The following FGF23 variants were observed in gnomAD, a reference collection of about 807,000 sequenced individuals.
FGF23 encodes the protein fibroblast growth factor 23.
A neutral mutation model predicts 9.0 loss-of-function variants in FGF23; 8 were observed. The observed-to-expected ratio is 0.89, with a 90% CI of 0.52 to 1.60. The LOEUF (loss-of-function observed/expected upper bound fraction) is 1.60. Ranked by LOEUF, FGF23 falls within the 40% of genes most tolerant of loss-of-function variation. The pLI is 0.00. For synonymous variants in FGF23, 118 were observed against 146.2 expected, an observed-to-expected ratio of 0.81 and a Z score of 1.39; for missense variants, 311 against 344.3, an observed-to-expected ratio of 0.90 and a Z score of 0.77.
chr12:4,370,973 A>G (rs2120731049), intron 2 of FGF23, among the ~76,000 whole-genome samples, 190 bp from the exon 3 acceptor site: 1 of 152,282 alleles, frequency 6.6e-6, no homozygotes, highest in South Asian at 2.1e-4. Flanking sequence ...CTGACTATAT[A>G]GTTCGCCCTT....
intron 1 of FGF23, among the ~76,000 whole-genome samples, chr12:4,377,716 C>T (rs1349994098): frequency 1.5e-5 from 1 of 65,786 alleles, no homozygotes; most frequent in African/African-American, 3.6e-5. Flanking sequence ...AGGCGTGAGC[C>T]ACCACACCTG....
Position 4,370,775 on chromosome 12 carries a change from G to A in FGF23, c.324C>T (p.Phe108=), listed in dbSNP as rs201114020. Residue 108 remains phenylalanine (F), a synonymous_variant, in exon 3 of 3, where the codon TTC becomes TTT. Transcript: ENST00000237837. ...FRGNIFGSHY[F]DPENCRFQHQ... is the part of the protein sequence containing the mutation. ...GTTGGAACCTGCAGTTCTCCGGGTC[G>A]AAATAGTGCTGGAAGGACAAGAGCG... 8 of 1,613,952 alleles carry A rather than the reference G, an allele frequency of 5.0e-6. No homozygotes were observed. Among genetic ancestry groups the A allele is most frequent in the Middle Eastern group, 3.3e-4 (2 of 6,062 alleles).
At position 4,370,411 on chromosome 12, in the gene FGF23, C is replaced by G. The variant is rs753345321; in HGVS notation, c.688G>C (p.Gly230Arg). The change falls in exon 3 of 3, where the codon GGT becomes CGT. Residue 230 changes from glycine to arginine, a missense_variant. By Grantham distance (125) the Gly-to-Arg change is moderately radical (BLOSUM62 -2). Around this residue, in one of 3 missense-constraint regions of FGF23, gnomAD observed 206 missense variants for 219.2 expected, o/e 0.94. Transcript: ENST00000237837. Reference protein sequence around the residue: ...ASDPLGVVRGGRVNTHAGGTG... With the variant: ...ASDPLGVVRGRRVNTHAGGTG... Reference sequence around the variant, plus strand: ...CCCCCAGCGTGCGTGTTCACTCGACCGCCCCTGACCACCCCTAATGGGTCA... The same window carrying G: ...CCCCCAGCGTGCGTGTTCACTCGACGGCCCCTGACCACCCCTAATGGGTCA... 1.2e-6 allele frequency: 2 copies of G among 1,613,738 alleles called. No individual in the cohort carries two copies. The highest frequency in any genetic ancestry group is 1.7e-6 in the Non-Finnish European group (2 of 1,179,994).
Position 4,379,575 on chromosome 12 carries a change from C to G in FGF23, c.8G>C (p.Gly3Ala), listed in dbSNP as rs1865156734. 1 of 1,601,098 alleles carries G rather than the reference C, an allele frequency of 6.2e-7. No individual in the cohort carries two copies. Among genetic ancestry groups the G allele is most frequent in the East Asian group, 2.3e-5 (1 of 44,360 alleles). ML[G>A]ARLRLWVCAL... ...ACAGACCCAGAGCCTGAGGCGGGCCCCCAACATCGTGCCCTGCTCTGAGTG... is the reference window on the plus strand; with the variant it reads ...ACAGACCCAGAGCCTGAGGCGGGCCGCCAACATCGTGCCCTGCTCTGAGTG... The change falls in exon 1 of 3, where the codon GGG becomes GCG. Residue 3 changes from glycine to alanine, a missense_variant. Gly to Ala is a moderately conservative substitution (Grantham distance 60). Coordinates refer to ENST00000237837, the MANE Select transcript of FGF23 (RefSeq NM_020638.3).
Position 4,370,742 on chromosome 12 carries a change from C to T in FGF23, c.357G>A (p.Thr119=). 3 of 1,614,104 alleles carry T rather than the reference C, an allele frequency of 1.9e-6. No homozygotes were observed. Among genetic ancestry groups the T allele is most frequent in the Non-Finnish European group, 2.5e-6 (3 of 1,180,008 alleles). ...DPENCRFQHQ[T]LENGYDVYHS... is the part of the protein sequence containing the mutation. The stretch of plus-strand genomic sequence containing the variant: ...GGTAGACGTCGTACCCGTTTTCCAG[C>T]GTCTGGTGTTGGAACCTGCAGTTCT... The change falls in exon 3 of 3, where the codon ACG becomes ACA. Residue 119 remains threonine, a synonymous_variant. Transcript: ENST00000237837.
intron 2 of FGF23, 118 bp from the exon 3 acceptor site, chr12:4,370,901 C>A: frequency 2.3e-6 from 2 of 852,064 alleles, no homozygotes; most frequent in Non-Finnish European, 4.0e-6. Flanking sequence ...GTTCTTAGGG[C>A]GTTGAGCCTT....
chr12:4,378,294 C>G (rs1418539439), intron 1 of FGF23, among the ~76,000 whole-genome samples: 1 of 152,142 alleles, frequency 6.6e-6, no homozygotes, highest in Non-Finnish European at 1.5e-5. Context: ...CAATAAAGGG[C>G]AAATCATAAT....
At chr12:4,371,075 C>T (rs1462380829) in intron 2 of FGF23, among the ~76,000 whole-genome samples, 1 of 152,230 alleles carries the variant, frequency 6.6e-6, no homozygotes, top group East Asian at 1.9e-4. Flanking sequence ...ACCACCTTGT[C>T]CTTCCTGCCC....
intron 1 of FGF23, among the ~76,000 whole-genome samples, chr12:4,375,545 C>T (rs542262768): frequency 6.6e-6 from 1 of 152,218 alleles, no homozygotes; most frequent in African/African-American, 2.4e-5. Flanking sequence ...AAGGAAGGAA[C>T]AAACCATGGA....
intron 2 of FGF23, 39 bp from the exon 3 acceptor site, chr12:4,370,822 G>T: frequency 6.3e-7 from 1 of 1,593,426 alleles, no homozygotes; most frequent in Non-Finnish European, 8.6e-7. Flanking sequence ...GGCTGGCAGT[G>T]GGGGCCCCAC....
chr12:4,370,624 A>G lies in FGF23; in HGVS notation c.475T>C (p.Ser159Pro), dbSNP rs373881785. ...ATTAGGGGGATCTCGTTCCTCCGGG[A>G]CAGGAACTGGGAGTACGGGGGTGGG... is the stretch of plus-strand genomic sequence containing the variant. ...MNPPPYSQFL[S>P]RRNEIPLIHF... Residue 159 changes from serine (S) to proline (P), a missense_variant, in exon 3 of 3, where the codon TCC (serine) becomes CCC (proline). Ser to Pro is a moderately conservative substitution (Grantham distance 74). Transcript: ENST00000237837. 6.2e-7 allele frequency: 1 copy of G among 1,614,026 alleles called. No homozygotes were observed. Among genetic ancestry groups the G allele is most frequent in the Non-Finnish European group, 8.5e-7 (1 of 1,179,948 alleles).
chr12:4,379,010 T>G (rs760011867), intron 1 of FGF23, among the ~76,000 whole-genome samples: 42 of 152,344 alleles, frequency 2.8e-4, no homozygotes, highest in Middle Eastern at 3.4e-3. Flanking sequence ...TTGATCTGCC[T>G]GGCTTCTTTT....
intron 1 of FGF23, among the ~76,000 whole-genome samples, chr12:4,373,648 G>A (rs1194636450): frequency 2.0e-5 from 3 of 152,176 alleles, no homozygotes; most frequent in African/African-American, 7.2e-5. Flanking sequence ...TACCTCTTAA[G>A]TAATTGATAA....
At chr12:4,374,703 G>A (rs1282401044) in intron 1 of FGF23, among the ~76,000 whole-genome samples, 1 of 151,788 alleles carries the variant, frequency 6.6e-6, no homozygotes. Flanking sequence ...AGTCTAATTG[G>A]GAAAAAATTA....
At chr12:4,376,291 A>G (rs1865115641) in intron 1 of FGF23, among the ~76,000 whole-genome samples, 1 of 152,202 alleles carries the variant, frequency 6.6e-6, no homozygotes, top group Admixed American at 6.5e-5. Flanking sequence ...TGACCCAAAG[A>G]TGGGTTGTGC....
intron 1 of FGF23, among the ~76,000 whole-genome samples, chr12:4,376,104 A>C (rs1297868644): frequency 6.6e-6 from 1 of 152,212 alleles, no homozygotes; most frequent in Admixed American, 6.5e-5. Flanking sequence ...CAGGGACAAT[A>C]AGCATCTCTC....
Position 4,379,361 on chromosome 12 carries a change from G to C in FGF23, c.211+11C>G. ...GTGCTCCCCTTCTTCCCAGCCTGAA[G>C]CCCTACTCACTGTAGATGGTCTGAT... On this transcript the variant is annotated intron_variant, in intron 1 of 2. Transcript: ENST00000237837. 6.2e-7 allele frequency: 1 copy of C among 1,607,554 alleles called. No individual in the cohort carries two copies.
chr12:4,374,696 C>G (rs1324538585), intron 1 of FGF23, among the ~76,000 whole-genome samples: 2 of 151,498 alleles, frequency 1.3e-5, no homozygotes, highest in Non-Finnish European at 2.9e-5. Flanking sequence ...ACTTTTCAGT[C>G]TAATTGGGAA....
At chr12:4,376,348 GAA>G (rs1865116100) in intron 1 of FGF23, among the ~76,000 whole-genome samples, 2 of 152,166 alleles carry the variant, frequency 1.3e-5, no homozygotes. Flanking sequence ...AGATAAACCA[GAA>G]TTCAATAGAA....
Sources: gnomAD v4.1 joint callset for allele counts (sites outside exome capture counted in the v4.1 genomes callset) on GRCh38, gnomAD v4.1.1 for gene constraint, gnomAD v4.1.1 regional missense constraint, MANE v1.5 for transcripts, NCBI Gene and HGNC (gene_info 2026-07-23, HGNC 2026-07-21) for gene names.